The following TRABD2A variants were observed in gnomAD, a reference collection of about 807,000 sequenced individuals.
The protein encoded by TRABD2A is TraB domain containing 2A.
Under a neutral mutation model 45.6 loss-of-function variants are expected in TRABD2A, and 43 were observed. The ratio of observed to expected loss-of-function variants is 0.94; its 90% CI spans 0.74 to 1.22. The LOEUF is 1.22. Among genes scored for constraint, TRABD2A ranks in the 50% most tolerant of loss-of-function variants. The pLI is 0.00. For synonymous variants in TRABD2A, 269 were observed against 265.0 expected (o/e 1.02, Z -0.15); for missense variants, 642 against 652.4 (o/e 0.98, Z 0.17).
chr2:84,853,818 G>A lies in TRABD2A; in HGVS notation c.670-11811C>T, dbSNP rs922420038. Among the ~76,000 whole-genome samples the A allele has an allele frequency of 6.6e-5, 10 of 152,262 alleles. 1 individual carries two copies. In the South Asian group the frequency reaches 1.9e-3, roughly 28 times the overall value. On this transcript the variant is annotated intron_variant, in intron 2 of 6. Transcript: ENST00000409520. ...CCAAGGCACACAAGGTCAGGATTTC[G>A]AGACCAGCCTGGCCAATATGGTGAA...
chr2:84,870,672 A>G lies in TRABD2A; in HGVS notation c.222T>C (p.Ser74=). ...TRVWDFIPDN[S]KEAFLQSSIV... ...TGCTGCTCTGCAGGAAAGCCTCCTT[A>G]GAGTTGTCGGGGATGAAGTCCCAAA... The change falls in exon 2 of 7, where the codon TCT becomes TCC. Residue 74 remains serine (S), a synonymous_variant. Transcript: ENST00000409520. 1 of 1,609,082 alleles carries G rather than the reference A, an allele frequency of 6.2e-7. No individual in the cohort carries two copies. The highest frequency in any genetic ancestry group is 8.5e-7 in the Non-Finnish European group (1 of 1,177,692).
chr2:84,869,828 A>C (rs1682810796), intron 2 of TRABD2A, among the ~76,000 whole-genome samples: 1 of 151,850 alleles, frequency 6.6e-6, no homozygotes, highest in Non-Finnish European at 1.5e-5. Context: ...AAAATACAAA[A>C]AGTAGTCGGG....
At chr2:84,867,539 A>T (rs955373132) in intron 2 of TRABD2A, among the ~76,000 whole-genome samples, 1 of 152,188 alleles carries the variant, frequency 6.6e-6, no homozygotes. Flanking sequence ...GGACTTCATG[A>T]CTAAAACACC....
chr2:84,829,692 A>G (rs1440938334), intron 5 of TRABD2A, among the ~76,000 whole-genome samples: 1 of 149,342 alleles, frequency 6.7e-6, no homozygotes, highest in Non-Finnish European at 1.5e-5. Context: ...ACATACACAC[A>G]ACACACACAC....
In TRABD2A at chr2:84,870,562, A is replaced by G. The variant is rs1553515588; in HGVS notation, c.332T>C (p.Leu111Pro). Reference protein sequence around the residue: ...SCQMLPQGENLQDVLPRDIYC... With the variant: ...SCQMLPQGENPQDVLPRDIYC... ...GATGTCCCTGGGGAGCACATCTTGG[A>G]GGTTCTCGCCCTGTGGCAGCATCTG... Residue 111 changes from leucine to proline, a missense_variant, in exon 2 of 7, where the codon CTC becomes CCC. Transcript: ENST00000409520. 2 of 1,613,690 alleles carry G rather than the reference A, an allele frequency of 1.2e-6. No homozygotes were observed. The highest frequency in any genetic ancestry group is 1.7e-6 in the Non-Finnish European group (2 of 1,179,810).
intron 1 of TRABD2A, among the ~76,000 whole-genome samples, chr2:84,873,183 G>A (rs1005658562): frequency 9.2e-5 from 14 of 151,806 alleles, no homozygotes; most frequent in Non-Finnish European, 1.9e-4. Context: ...CACTTTGGGA[G>A]GCCGAGGAGG....
Position 84,821,793 on chromosome 2 carries a change from G to A in TRABD2A, c.*124C>T. 1 of 1,046,594 alleles carries A rather than the reference G, an allele frequency of 9.6e-7. No homozygotes were observed. The highest frequency in any genetic ancestry group is 1.3e-6 in the Non-Finnish European group (1 of 778,680). The allele number at this position is 1,046,594 out of a possible 1,614,324, so 64.8% of individuals were successfully genotyped here. A position where few individuals can be genotyped will look rare whatever the true frequency, so the allele number is the denominator to read the frequency against. ...TTGGAAAGAGAAGAATCAACACTGG[G>A]CCGCTTTTTCAAGAGCAGTCTCTTC... On this transcript the variant is annotated 3_prime_UTR_variant, in exon 7 of 7. Coordinates refer to ENST00000409520, the MANE Select transcript of TRABD2A (RefSeq NM_001277053.2).
intron 1 of TRABD2A, among the ~76,000 whole-genome samples, chr2:84,879,906 C>T (rs1032623494): frequency 6.6e-6 from 1 of 152,118 alleles, no homozygotes; most frequent in Admixed American, 6.5e-5. Context: ...TTGCGAATGG[C>T]CAGGGGTGGA....
intron 1 of TRABD2A, among the ~76,000 whole-genome samples, chr2:84,880,542 G>T (rs1474257099): frequency 1.3e-5 from 2 of 152,238 alleles, no homozygotes; most frequent in African/African-American, 4.8e-5. Context: ...AAGAGCAGGT[G>T]AAATTAAACT....
intron 4 of TRABD2A, 37 bp downstream of exon 4, chr2:84,839,112 G>T (rs778944808): frequency 5.6e-6 from 9 of 1,608,544 alleles, no homozygotes; most frequent in Non-Finnish European, 7.6e-6. Flanking sequence ...AGAAGCCTCA[G>T]ATTTCAGAGG....
intron 1 of TRABD2A, among the ~76,000 whole-genome samples, chr2:84,877,261 A>T (rs1683056249): frequency 6.6e-6 from 1 of 151,354 alleles, no homozygotes; most frequent in South Asian, 2.1e-4. Flanking sequence ...CCTCTCTCAT[A>T]CTGATATCCT....
At chr2:84,826,818 C>T (rs1216582131) in intron 5 of TRABD2A, among the ~76,000 whole-genome samples, 3 of 152,222 alleles carry the variant, frequency 2.0e-5, no homozygotes, top group African/African-American at 7.2e-5. Context: ...AGGCGTGAGC[C>T]ACCGTGCCTG....
In TRABD2A at chr2:84,853,418, A is replaced by G. The variant is rs796512430; in HGVS notation, c.670-11411T>C. Among the ~76,000 whole-genome samples, 6 of 152,284 alleles carry G rather than the reference A, an allele frequency of 3.9e-5. No individual in the cohort carries two copies. The South Asian group carries it at 1.2e-3, about 32-fold the overall frequency. On this transcript the variant is annotated intron_variant, in intron 2 of 6. Transcript: ENST00000409520. Reference sequence around the variant, plus strand: ...CAGCAGGAAGGAGAAGTGCTGAGCAAAAGGGGGAAAAGCCCCTTATGAAAC... The same window carrying G: ...CAGCAGGAAGGAGAAGTGCTGAGCAGAAGGGGGAAAAGCCCCTTATGAAAC...
chr2:84,839,011 A>C, intron 4 of TRABD2A, 138 bp downstream of exon 4: 1 of 970,158 alleles, frequency 1.0e-6, no homozygotes, highest in Non-Finnish European at 1.5e-6. Context: ...CTGCAACTGA[A>C]ATAAGTCAAG....
Position 84,824,109 on chromosome 2 carries a change from G to A in TRABD2A, c.1178C>T (p.Ser393Phe). The A allele has an allele frequency of 6.2e-7, 1 of 1,613,978 alleles. No homozygotes were observed. Among genetic ancestry groups the A allele is most frequent in the Non-Finnish European group, 8.5e-7 (1 of 1,179,854 alleles). Residue 393 changes from serine (S) to phenylalanine (F), a missense_variant, in exon 6 of 7, where the codon TCC (serine) becomes TTC (phenylalanine). By Grantham distance (155) the Ser-to-Phe change is radical (BLOSUM62 -2). Coordinates refer to ENST00000409520, the MANE Select transcript of TRABD2A (RefSeq NM_001277053.2). ...TLEVPAPEAVSSGHSTLPPLV... is the reference protein window; with the variant it reads ...TLEVPAPEAVFSGHSTLPPLV... The stretch of plus-strand genomic sequence containing the variant: ...GGGAGGCAGCGTTGAGTGCCCTGAG[G>A]ATACGGCTTCTGGTGCCGGTACTTC...
intron 2 of TRABD2A, among the ~76,000 whole-genome samples, chr2:84,865,266 A>T (rs897182991): frequency 6.6e-6 from 1 of 152,276 alleles, no homozygotes; most frequent in African/African-American, 2.4e-5. Context: ...GTCCTGAAGA[A>T]CAAGAACTGG....
At chr2:84,863,434 C>G (rs1469814273) in intron 2 of TRABD2A, among the ~76,000 whole-genome samples, 1 of 150,314 alleles carries the variant, frequency 6.7e-6, no homozygotes, top group South Asian at 2.1e-4. Flanking sequence ...TTAGTAGACA[C>G]GGGGTTTCAC....
Position 84,830,441 on chromosome 2 carries a change from T to G in TRABD2A, c.1082+1614A>C. Among the ~76,000 whole-genome samples, 1 of 151,382 alleles carries G rather than the reference T, an allele frequency of 6.6e-6. No individual in the cohort carries two copies. The highest frequency in any genetic ancestry group is 1.5e-5 in the Non-Finnish European group (1 of 67,844). On this transcript the variant is annotated intron_variant, in intron 5 of 6. Coordinates refer to ENST00000409520, the MANE Select transcript of TRABD2A (RefSeq NM_001277053.2). The surrounding 1 kb of genome is among the most constrained non-coding windows in gnomAD (Gnocchi z 4.9). ...AGACCTCCGCGTGAAGACAATGACCTTGAAAAAGAACAACATGAAACCACG... is the reference window on the plus strand; with the variant it reads ...AGACCTCCGCGTGAAGACAATGACCGTGAAAAAGAACAACATGAAACCACG...
intron 4 of TRABD2A, chr2:84,838,259 A>G: frequency 1.4e-6 from 1 of 717,344 alleles, no homozygotes; most frequent in South Asian, 1.5e-5. Context: ...AAGGGAGATA[A>G]AAACAGAACA....
Sources: gnomAD v4.1 joint callset for allele counts (sites outside exome capture counted in the v4.1 genomes callset) on GRCh38, gnomAD v4.1.1 for gene constraint, Gnocchi (gnomAD v3.1) non-coding constraint, MANE v1.5 for transcripts, NCBI Gene and HGNC (gene_info 2026-07-23, HGNC 2026-07-21) for gene names.